Variants in BTBD10 observed in about 807,000 individuals in gnomAD.
The protein encoded by BTBD10 is BTB/POZ domain-containing protein 10.
A neutral mutation model predicts 53.2 loss-of-function variants in BTBD10; 21 were observed. The ratio of observed to expected loss-of-function variants is 0.39; its 90% CI spans 0.28 to 0.57. BTBD10 has a LOEUF of 0.57. Ranked by LOEUF, BTBD10 falls within the 20% of genes least tolerant of loss-of-function variation. The probability of loss-of-function intolerance (pLI) is 0.53; values close to 1 mark genes in which losing one functional copy is unlikely to be tolerated. For missense variants in BTBD10, 360 were observed against 594.7 expected (o/e 0.61, Z 4.10); for synonymous variants, 149 against 192.7 (o/e 0.77, Z 1.88).
At chr11:13,402,556 A>G (rs138645430) in intron 8 of BTBD10, among the ~76,000 whole-genome samples, 274 of 152,310 alleles carry the variant, frequency 1.8e-3, no homozygotes, top group African/African-American at 6.3e-3. Flanking sequence ...TGTTATATCA[A>G]TTAAGACACT....
At position 13,399,509 on chromosome 11, in the gene BTBD10, G is replaced by A. The variant is rs186435068; in HGVS notation, c.1117+3659C>T. Among the ~76,000 whole-genome samples, 1,484 of 152,136 alleles carry A rather than the reference G, an allele frequency of 9.8e-3. 11 individuals carry two copies. The highest frequency in any genetic ancestry group is 0.016 in the Non-Finnish European group (1,110 of 67,984). On this transcript the variant is annotated intron_variant, in intron 8 of 8. Transcript: ENST00000278174. ...TGGATTGAACTTCCTCCTTTAGCTC[G>A]GAGTAGTTTGATCTTCTGAAGCCTT...
chr11:13,421,890 A>C, intron 2 of BTBD10, 52 bp from the exon 3 acceptor site: 1 of 1,416,798 alleles, frequency 7.1e-7, no homozygotes, highest in East Asian at 2.4e-5. Context: ...TAAGATTGGA[A>C]ACATTTTAAA....
At position 13,402,171 on chromosome 11, in the gene BTBD10, A is replaced by G. The variant is rs375455535; in HGVS notation, c.1117+997T>C. Among the ~76,000 whole-genome samples, 10 of 152,254 alleles carry G rather than the reference A, an allele frequency of 6.6e-5. No homozygotes were observed. The East Asian group carries it at 1.9e-3, about 29-fold the overall frequency. ...GCAATTCCACTGCTTTTTAAGCCCA[A>G]AGTCTCTGCCCCTTCCCACACAAAA... On this transcript the variant is annotated intron_variant, in intron 8 of 8. Coordinates refer to ENST00000278174, the MANE Select transcript of BTBD10 (RefSeq NM_032320.7).
At chr11:13,434,291 A>T (rs1435913492) in intron 2 of BTBD10, among the ~76,000 whole-genome samples, 1 of 152,236 alleles carries the variant, frequency 6.6e-6, no homozygotes, top group Non-Finnish European at 1.5e-5. Context: ...GATAAATGTT[A>T]TAAGGAAAAA....
intron 6 of BTBD10, among the ~76,000 whole-genome samples, chr11:13,407,652 A>G (rs537425858): frequency 6.6e-6 from 1 of 152,262 alleles, no homozygotes; most frequent in Non-Finnish European, 1.5e-5. Flanking sequence ...TAGCTGCAAA[A>G]TCTCCTAAGC....
intron 8 of BTBD10, among the ~76,000 whole-genome samples, chr11:13,395,640 T>C (rs1216634287): frequency 5.3e-5 from 8 of 152,216 alleles, no homozygotes; most frequent in African/African-American, 7.2e-5. Flanking sequence ...TGGTATTGCC[T>C]AGGTTTTCTT....
Position 13,424,983 on chromosome 11 carries a change from G to C in BTBD10, c.102-3145C>G, listed in dbSNP as rs148433884. Reference sequence around the variant, plus strand: ...GGATAAGAGATGGCTAGAGTTCTAAGGGAAAAGTACCAGAGAGGAGAGTGT... The same window carrying C: ...GGATAAGAGATGGCTAGAGTTCTAACGGAAAAGTACCAGAGAGGAGAGTGT... On this transcript the variant is annotated intron_variant, in intron 2 of 8. Coordinates refer to ENST00000278174, the MANE Select transcript of BTBD10 (RefSeq NM_032320.7). 6.8e-3 allele frequency among the ~76,000 whole-genome samples: 1,035 copies of C among 152,230 alleles called. 15 individuals are homozygous for C. Among genetic ancestry groups the C allele is most frequent in the African/African-American group, 0.024 (997 of 41,546 alleles).
chr11:13,419,382 T>G, intron 4 of BTBD10, 78 bp downstream of exon 4: 1 of 1,529,148 alleles, frequency 6.5e-7, no homozygotes, highest in Non-Finnish European at 8.8e-7. Flanking sequence ...AGAGAATTAC[T>G]GTAAAACTTA....
intron 4 of BTBD10, among the ~76,000 whole-genome samples, chr11:13,418,841 T>A (rs955803943): frequency 6.6e-6 from 1 of 152,174 alleles, no homozygotes; most frequent in African/African-American, 2.4e-5. Flanking sequence ...ATCAAGTCTA[T>A]ATTGTCTATA....
intron 2 of BTBD10, chr11:13,440,193 A>G: frequency 2.8e-6 from 4 of 1,414,822 alleles, no homozygotes; most frequent in Non-Finnish European, 3.7e-6. Flanking sequence ...AACCCCCTCT[A>G]CATATTAATT....
rs368273327 is a variant in BTBD10, at chr11:13,410,134, C to T, written c.808+3396G>A. Among the ~76,000 whole-genome samples the T allele has an allele frequency of 9.9e-5, 15 of 151,844 alleles. No individual in the cohort carries two copies. In the East Asian group the frequency reaches 1.5e-3, roughly 16 times the overall value. On this transcript the variant is annotated intron_variant, in intron 6 of 8. Coordinates refer to ENST00000278174, the MANE Select transcript of BTBD10 (RefSeq NM_032320.7). ...CATATAACCCAAAACCACCTGTATCCCAAAAACAACTGAAATAAAATTTAA... is the reference window on the plus strand; with the variant it reads ...CATATAACCCAAAACCACCTGTATCTCAAAAACAACTGAAATAAAATTTAA...
chr11:13,388,616 T>C lies in BTBD10; in HGVS notation c.*215A>G, dbSNP rs1398107719. On this transcript the variant is annotated 3_prime_UTR_variant, in exon 9 of 9. Coordinates refer to ENST00000278174, the MANE Select transcript of BTBD10 (RefSeq NM_032320.7). The stretch of plus-strand genomic sequence containing the variant: ...TTTCACAAACCTACTGGTAAACAAA[T>C]ACATTTACAACTGGAACTTCAAAAT... 3 of 475,952 alleles carry C rather than the reference T, an allele frequency of 6.3e-6. No homozygotes were observed. The highest frequency in any genetic ancestry group is 1.1e-5 in the Non-Finnish European group (3 of 271,988). 29.5% of individuals were successfully genotyped at this position (475,952 alleles called of 1,614,324 possible).
intron 6 of BTBD10, among the ~76,000 whole-genome samples, chr11:13,410,806 C>T (rs1048407535): frequency 1.3e-5 from 2 of 152,020 alleles, no homozygotes; most frequent in East Asian, 1.9e-4. Flanking sequence ...ATAATAAAAA[C>T]ACAAAATATT....
chr11:13,413,701 C>T lies in BTBD10; in HGVS notation c.688-51G>A, dbSNP rs373345430. ...ATAAAATATCTGGAGCATAAGGTAG[C>T]CAAAACTTATTATTAAGGAAGGGCT... is the stretch of plus-strand genomic sequence containing the variant. On this transcript the variant is annotated intron_variant, in intron 5 of 8. Transcript: ENST00000278174. The T allele has an allele frequency of 6.5e-5, 98 of 1,513,586 alleles. No homozygotes were observed. In the Middle Eastern group the frequency reaches 7.0e-4, roughly 11 times the overall value. The allele number at this position is 1,513,586 out of a possible 1,614,324, so 93.8% of individuals were successfully genotyped here. A position where few individuals can be genotyped will look rare whatever the true frequency, so the allele number is the denominator to read the frequency against.
chr11:13,415,279 G>A (rs1250258447), intron 5 of BTBD10, among the ~76,000 whole-genome samples: 1 of 151,960 alleles, frequency 6.6e-6, no homozygotes. Context: ...GACCAACTCA[G>A]TATACCACTG....
chr11:13,444,987 A>G, intron 2 of BTBD10, 37 bp downstream of exon 2: 1 of 1,513,936 alleles, frequency 6.6e-7, no homozygotes, highest in Non-Finnish European at 9.2e-7. Context: ...AGTTTTTAGC[A>G]GAGCTTTCAT....
chr11:13,403,736 T>C (rs1014999647), intron 7 of BTBD10, among the ~76,000 whole-genome samples: 6 of 152,318 alleles, frequency 3.9e-5, no homozygotes, highest in Admixed American at 3.9e-4. Context: ...TTTCATGGAT[T>C]GAGCAACTAT....
At chr11:13,400,056 C>G (rs1949672863) in intron 8 of BTBD10, among the ~76,000 whole-genome samples, 1 of 152,188 alleles carries the variant, frequency 6.6e-6, no homozygotes, top group Non-Finnish European at 1.5e-5. Context: ...CTGGGAGAAC[C>G]ACTACTCTCT....
intron 8 of BTBD10, among the ~76,000 whole-genome samples, chr11:13,399,692 T>G (rs1019778188): frequency 4.7e-4 from 72 of 152,314 alleles, no homozygotes; most frequent in Non-Finnish European, 8.8e-4. Flanking sequence ...CTACCTTTGG[T>G]CTTTGATGAT....
Sources: gnomAD v4.1 joint callset for allele counts (sites outside exome capture counted in the v4.1 genomes callset) on GRCh38, gnomAD v4.1.1 for gene constraint, MANE v1.5 for transcripts, NCBI Gene and HGNC (gene_info 2026-07-23, HGNC 2026-07-21) for gene names.